RIMS1: variants seen among roughly 807,000 people sequenced by gnomAD.
RIMS1 encodes regulating synaptic membrane exocytosis protein 1.
Under a neutral mutation model 214.1 loss-of-function variants are expected in RIMS1, and 83 were observed. The ratio of observed to expected loss-of-function variants is 0.39; its 90% CI spans 0.32 to 0.47. The LOEUF is 0.47. RIMS1 is among the 20% of genes least tolerant of loss of function. RIMS1 has a pLI of 0.99. For missense variants in RIMS1, 2,050 were observed against 2,161.8 expected (o/e 0.95, Z 1.03); for synonymous variants, 793 against 786.8 (o/e 1.01, Z -0.13).
intron 3 of RIMS1, among the ~76,000 whole-genome samples, chr6:72,098,451 T>C (rs1014925629): frequency 3.9e-5 from 6 of 152,098 alleles, no homozygotes; most frequent in Admixed American, 2.0e-4. Context: ...GCTGCCACCA[T>C]GCCTAGCTAA....
intron 2 of RIMS1, among the ~76,000 whole-genome samples, chr6:72,087,421 A>G (rs1465182542): frequency 1.3e-5 from 2 of 152,246 alleles, no homozygotes; most frequent in Non-Finnish European, 2.9e-5. Flanking sequence ...ATGATTGCCT[A>G]TCAAAACTCT....
Position 72,234,528 on chromosome 6 carries a change from A to G in RIMS1, c.1746+688A>G, listed in dbSNP as rs566533296. Among the ~76,000 whole-genome samples, 282 of 152,134 alleles carry G rather than the reference A, an allele frequency of 1.9e-3. 2 individuals are homozygous for G. The highest frequency in any genetic ancestry group is 6.4e-3 in the African/African-American group (264 of 41,548). ...TTAACATCTTGCATTAGTGTGGTCC[A>G]TTTGTTACAACTGATGAGCCAATAT... On this transcript the variant is annotated intron_variant, in intron 7 of 33. Coordinates refer to ENST00000521978, the MANE Select transcript of RIMS1 (RefSeq NM_014989.7).
In RIMS1 at chr6:72,144,530, C is replaced by T. The variant is rs564743140; in HGVS notation, c.472-35045C>T. Among the ~76,000 whole-genome samples, 21 of 152,154 alleles carry T rather than the reference C, an allele frequency of 1.4e-4. 1 individual carries two copies. In the East Asian group the frequency reaches 2.3e-3, roughly 17 times the overall value. ...AGCTCAAAAGTCCTAAGGCTGCTGACATGAACAGATAATTGGTGGCTACAG... is the reference window on the plus strand; with the variant it reads ...AGCTCAAAAGTCCTAAGGCTGCTGATATGAACAGATAATTGGTGGCTACAG... On this transcript the variant is annotated intron_variant, in intron 4 of 33. Transcript: ENST00000521978.
chr6:72,225,151 C>T (rs1210556290), intron 6 of RIMS1, among the ~76,000 whole-genome samples: 1 of 152,044 alleles, frequency 6.6e-6, no homozygotes, highest in Non-Finnish European at 1.5e-5. Flanking sequence ...CAAAAACAAA[C>T]TATTCATAGT....
At chr6:71,926,998 G>A (rs1221106298) in intron 1 of RIMS1, among the ~76,000 whole-genome samples, 2 of 152,130 alleles carry the variant, frequency 1.3e-5, no homozygotes, top group Non-Finnish European at 2.9e-5. Context: ...TGGATCCAAA[G>A]TGAGTGTTCT....
At chr6:72,012,892 C>G (rs1184680743) in intron 2 of RIMS1, among the ~76,000 whole-genome samples, 1 of 152,076 alleles carries the variant, frequency 6.6e-6, no homozygotes, top group Non-Finnish European at 1.5e-5. Flanking sequence ...TATGTTGAGA[C>G]CATTCATTTT....
chr6:72,156,839 T>C lies in RIMS1; in HGVS notation c.472-22736T>C, dbSNP rs180710343. Among the ~76,000 whole-genome samples the C allele has an allele frequency of 1.8e-4, 25 of 141,300 alleles. 6 individuals carry two copies. The highest frequency in any genetic ancestry group is 8.1e-5 in the Non-Finnish European group (5 of 62,024). The allele number at this position is 141,300 out of a possible 152,430, so 92.7% of individuals were successfully genotyped here. ...AAATGCTTACAAGTGCGAAAGCATT[T>C]ATCCACATGTAATTAAACATTTTAT... On this transcript the variant is annotated intron_variant, in intron 4 of 33. Transcript: ENST00000521978.
chr6:72,274,404 A>C lies in RIMS1; in HGVS notation c.3454A>C (p.Ile1152Leu), dbSNP rs375329977. Residue 1152 changes from isoleucine to leucine, a missense_variant, in exon 23 of 34, where the codon ATC becomes CTC. Ile to Leu is a conservative substitution (Grantham distance 5). Transcript: ENST00000521978. ...ACGACCTCCTAGTCCCAGGATTCAAATCCAGCATGCGTCTCCGGAGAATGA... is the reference window on the plus strand; with the variant it reads ...ACGACCTCCTAGTCCCAGGATTCAACTCCAGCATGCGTCTCCGGAGAATGA... ...RRRPPSPRIQ[I>L]QHASPENDRH... is the part of the protein sequence containing the mutation. The C allele has an allele frequency of 1.5e-5, 24 of 1,613,322 alleles. No homozygotes were observed. The Admixed American group carries it at 1.8e-4, about 12-fold the overall frequency.
rs752886481 is a variant in RIMS1, at chr6:71,887,046, G to C, written c.23G>C (p.Arg8Pro). 79 of 1,613,256 alleles carry C rather than the reference G, an allele frequency of 4.9e-5. No homozygotes were observed. Among genetic ancestry groups the C allele is most frequent in the Non-Finnish European group, 6.4e-5 (75 of 1,179,676 alleles). The change falls in exon 1 of 34, where the codon CGC (arginine) becomes CCC (proline). Residue 8 changes from arginine to proline, a missense_variant. By Grantham distance (103) the Arg-to-Pro change is moderately radical. Coordinates refer to ENST00000521978, the MANE Select transcript of RIMS1 (RefSeq NM_014989.7). The stretch of plus-strand genomic sequence containing the variant: ...AAAATGTCCTCGGCCGTGGGGCCCC[G>C]CGGTCCTCGCCCACCCACGGTGCCT... MSSAVGP[R>P]GPRPPTVPPP...
chr6:71,895,844 C>G (rs1200201647), intron 1 of RIMS1, among the ~76,000 whole-genome samples: 1 of 152,098 alleles, frequency 6.6e-6, no homozygotes, highest in Non-Finnish European at 1.5e-5. Context: ...GTTTCTTTAA[C>G]TATATGGTAG....
intron 4 of RIMS1, among the ~76,000 whole-genome samples, chr6:72,147,744 A>T (rs2042940880): frequency 6.6e-6 from 1 of 152,236 alleles, no homozygotes; most frequent in African/African-American, 2.4e-5. Context: ...TTTTAACTAT[A>T]GTGCTCTGTT....
In RIMS1 at chr6:72,233,544, A is replaced by G. The variant is rs184060140; in HGVS notation, c.1679-229A>G. Among the ~76,000 whole-genome samples the G allele has an allele frequency of 4.0e-5, 6 of 150,138 alleles. No individual in the cohort carries two copies. The East Asian group carries it at 7.8e-4, about 20-fold the overall frequency. On this transcript the variant is annotated intron_variant, in intron 6 of 33. Transcript: ENST00000521978. ...TGTACATTTATATGTTTCCAGACTG[A>G]TTTATGAGAGAAAAAGGTAGTCATT...
At chr6:71,962,295 G>A (rs968144602) in intron 1 of RIMS1, among the ~76,000 whole-genome samples, 3 of 151,798 alleles carry the variant, frequency 2.0e-5, no homozygotes, top group Non-Finnish European at 4.4e-5. Context: ...TTTTATTTTA[G>A]ACTCCTAGAC....
intron 2 of RIMS1, among the ~76,000 whole-genome samples, chr6:71,994,394 A>G (rs1452204507): frequency 6.6e-6 from 1 of 152,196 alleles, no homozygotes; most frequent in Non-Finnish European, 1.5e-5. Flanking sequence ...AAACTACTAG[A>G]TAATTGTCAT....
chr6:71,919,426 G>A (rs767352685), intron 1 of RIMS1, among the ~76,000 whole-genome samples: 3 of 152,080 alleles, frequency 2.0e-5, no homozygotes, highest in African/African-American at 4.8e-5. Flanking sequence ...ACAATTATGG[G>A]TGGGAAGATT....
In RIMS1 at chr6:72,307,421, G is replaced by A. The variant is rs150185445; in HGVS notation, c.3963+51G>A. The A allele has an allele frequency of 9.9e-4, 1,163 of 1,174,666 alleles. 12 individuals are homozygous for A. In the African/African-American group the frequency reaches 0.014, roughly 14 times the overall value. The allele number at this position is 1,174,666 out of a possible 1,614,324, so 72.8% of individuals were successfully genotyped here. Reference sequence around the variant, plus strand: ...AGTTTCCCTTTTAAAAATGTGTAGTGTGTGTACCAGGCAGGATTAGAAAGC... The same window carrying A: ...AGTTTCCCTTTTAAAAATGTGTAGTATGTGTACCAGGCAGGATTAGAAAGC... On this transcript the variant is annotated intron_variant, in intron 27 of 33. Coordinates refer to ENST00000521978, the MANE Select transcript of RIMS1 (RefSeq NM_014989.7).
intron 28 of RIMS1, among the ~76,000 whole-genome samples, chr6:72,320,302 C>A (rs1361365414): frequency 6.6e-6 from 1 of 152,066 alleles, no homozygotes; most frequent in Non-Finnish European, 1.5e-5. Flanking sequence ...GAGGAGAATT[C>A]CTAGACTGCA....
chr6:72,116,114 T>G (rs1466874091), intron 4 of RIMS1, among the ~76,000 whole-genome samples: 2 of 151,992 alleles, frequency 1.3e-5, no homozygotes, highest in African/African-American at 4.8e-5. Context: ...AGCACTGCAG[T>G]GAATGCTAGA....
intron 29 of RIMS1, among the ~76,000 whole-genome samples, chr6:72,360,766 G>GA (rs2097786804): frequency 6.7e-6 from 1 of 149,466 alleles, no homozygotes; most frequent in African/African-American, 2.4e-5. Flanking sequence ...AAAAAGATAG[G>GA]AAAAAAGACG....
Sources: allele counts gnomAD v4.1 joint callset (sites outside exome capture counted in the v4.1 genomes callset), GRCh38; gene constraint gnomAD v4.1.1; transcripts MANE v1.5; gene names NCBI Gene and HGNC (gene_info 2026-07-23, HGNC 2026-07-21).